ZNF496: variants seen among roughly 807,000 people sequenced by gnomAD.
ZNF496 encodes NSD1 (nuclear receptor binding SET-domain containing 1)-interacting zinc finger protein 1.
A neutral mutation model predicts 58.9 loss-of-function variants in ZNF496; 11 were observed. That is an observed-to-expected ratio of 0.19 (90% confidence interval 0.12 to 0.31). ZNF496 has a LOEUF of 0.31. ZNF496 is among the 10% of genes least tolerant of loss of function. The pLI is 1.00. For synonymous variants in ZNF496, 338 were observed against 318.2 expected, an observed-to-expected ratio of 1.06 and a Z score of -0.66; for missense variants, 660 against 783.0, an observed-to-expected ratio of 0.84 and a Z score of 1.88.
At chr1:247,331,377 C>A (rs946666555) in intron 2 of ZNF496, 55 bp downstream of exon 2, 2 of 152,184 alleles carry the variant, frequency 1.3e-5, no homozygotes, top group African/African-American at 2.4e-5. Context: ...GCCCTCCGCG[C>A]CCTCGGTCTC....
At chr1:247,304,969 T>G (rs2103017261) in intron 9 of ZNF496, among the ~76,000 whole-genome samples, 1 of 152,260 alleles carries the variant, frequency 6.6e-6, no homozygotes, top group South Asian at 2.1e-4. Context: ...GTGAATGGAT[T>G]GTGCATGTGG....
chr1:247,325,584 G>A (rs1660093943), intron 5 of ZNF496, among the ~76,000 whole-genome samples: 1 of 152,108 alleles, frequency 6.6e-6, no homozygotes, highest in Non-Finnish European at 1.5e-5. Context: ...ACCTCACCAT[G>A]CTGTACCATA....
At position 247,300,804 on chromosome 1, in the gene ZNF496, C is replaced by T. The variant is rs760640766; in HGVS notation, c.1479G>A (p.Pro493=). The change falls in exon 10 of 10, where the codon CCG becomes CCA. Residue 493 remains proline, a synonymous_variant. Coordinates refer to ENST00000682384, the MANE Select transcript of ZNF496 (RefSeq NM_032752.3). The surrounding 1 kb of genome is among the most constrained non-coding windows in gnomAD (Gnocchi z 5.7). Reference sequence around the variant, plus strand: ...ATGCCGCCTGCTCTCTCTTCTCCACCGGCTGGAGTCTGTCCGGCTGCAGGT... The same window carrying T: ...ATGCCGCCTGCTCTCTCTTCTCCACTGGCTGGAGTCTGTCCGGCTGCAGGT... ...RIHLQPDRLQ[P]VEKREQAASE... The T allele has an allele frequency of 5.6e-6, 9 of 1,601,866 alleles. No homozygotes were observed. In the African/African-American group the frequency reaches 6.7e-5, roughly 12 times the overall value.
At chr1:247,307,144 G>T in intron 9 of ZNF496, 1 of 985,470 alleles carries the variant, frequency 1.0e-6, no homozygotes, top group Non-Finnish European at 1.2e-6. Context: ...GAACATCTGG[G>T]AGTGTCCTGC....
At chr1:247,306,198 C>T (rs1040124566) in intron 9 of ZNF496, among the ~76,000 whole-genome samples, 28 of 142,090 alleles carry the variant, frequency 2.0e-4, no homozygotes, top group African/African-American at 6.5e-4. Flanking sequence ...GAGTTCAAAT[C>T]TTTTTTTTTT....
chr1:247,300,538 T>C lies in ZNF496; in HGVS notation c.1745A>G (p.Gln582Arg). 1.9e-6 allele frequency: 3 copies of C among 1,608,866 alleles called. No individual in the cohort carries two copies. Among genetic ancestry groups the C allele is most frequent in the Non-Finnish European group, 2.6e-6 (3 of 1,176,150 alleles). The change falls in exon 10 of 10, where the codon CAG becomes CGG. Residue 582 changes from glutamine (Q) to arginine (R), a missense_variant. Coordinates refer to ENST00000682384, the MANE Select transcript of ZNF496 (RefSeq NM_032752.3). The surrounding 1 kb of genome is among the most constrained non-coding windows in gnomAD (Gnocchi z 5.7). ...AGAGGCTCAGTAGGAGTTCAGAGCC[T>C]GCTTGGAACGGCGCTTCATGTGCAG... is the stretch of plus-strand genomic sequence containing the variant. ...ERLHMKRRSK[Q>R]ALNSY
At chr1:247,310,644 G>C (rs1335426974) in intron 6 of ZNF496, 188 bp from the exon 7 acceptor site, 1 of 653,936 alleles carries the variant, frequency 1.5e-6, no homozygotes, top group African/African-American at 1.8e-5. Flanking sequence ...TGCCTGGTGA[G>C]GGCCCACTTC....
At position 247,329,804 on chromosome 1, in the gene ZNF496, C is replaced by G. The variant is rs879477538; in HGVS notation, c.-38+162G>C. On this transcript the variant is annotated intron_variant, in intron 3 of 9. Transcript: ENST00000682384. The surrounding 1 kb of genome is among the most constrained non-coding windows in gnomAD (Gnocchi z 5.5). The stretch of plus-strand genomic sequence containing the variant: ...AAACAGACAGAAAGATGCCCTCCCC[C>G]CATCAGTACCATTACGTGTGGATTC... 1.3e-5 allele frequency among the ~76,000 whole-genome samples: 2 copies of G among 152,126 alleles called. No individual in the cohort carries two copies. Among genetic ancestry groups the G allele is most frequent in the African/African-American group, 2.4e-5 (1 of 41,430 alleles).
At chr1:247,321,965 C>T (rs1445644503) in intron 6 of ZNF496, among the ~76,000 whole-genome samples, 1 of 152,154 alleles carries the variant, frequency 6.6e-6, no homozygotes, top group African/African-American at 2.4e-5. Flanking sequence ...CCTTCCCATC[C>T]CTAGCCCTCC....
chr1:247,305,346 G>A (rs1471051594), intron 9 of ZNF496, among the ~76,000 whole-genome samples: 2 of 152,240 alleles, frequency 1.3e-5, no homozygotes, highest in Non-Finnish European at 1.5e-5. Flanking sequence ...AGCAATAACT[G>A]TACAAGGCAG....
At chr1:247,302,486 ATG>A (rs1287882175) in intron 9 of ZNF496, among the ~76,000 whole-genome samples, 3 of 139,560 alleles carry the variant, frequency 2.1e-5, no homozygotes, top group South Asian at 4.6e-4. Context: ...GTGTGTGTGC[ATG>A]TGTTTTTAAT....
chr1:247,301,377 T>C (rs1659231744), intron 9 of ZNF496, 101 bp from the exon 10 acceptor site: 1 of 1,425,822 alleles, frequency 7.0e-7, no homozygotes. Context: ...TACAAACCCG[T>C]GTTTTTACAA....
At chr1:247,322,211 A>G (rs1659983528) in intron 6 of ZNF496, among the ~76,000 whole-genome samples, 1 of 152,136 alleles carries the variant, frequency 6.6e-6, no homozygotes, top group African/African-American at 2.4e-5. Context: ...TGAGCTCAGG[A>G]GTTTGAGGCT....
Position 247,328,672 on chromosome 1 carries a change from G to A in ZNF496, c.574+11C>T. 2 of 1,569,590 alleles carry A rather than the reference G, an allele frequency of 1.3e-6. No individual in the cohort carries two copies. The highest frequency in any genetic ancestry group is 2.7e-5 in the African/African-American group (2 of 73,932). On this transcript the variant is annotated intron_variant, in intron 5 of 9. Coordinates refer to ENST00000682384, the MANE Select transcript of ZNF496 (RefSeq NM_032752.3). ...CAGATCACCCCTGCTACACTCCCCT[G>A]GGCTGCATACCTGGGTCCCCGCTGA...
intron 9 of ZNF496, chr1:247,307,527 A>G: frequency 7.1e-6 from 7 of 985,414 alleles, no homozygotes; most frequent in Non-Finnish European, 8.4e-6. Context: ...CCCCAAATGA[A>G]TGCATCACTC....
chr1:247,303,385 AAC>A (rs1659307303), intron 9 of ZNF496, among the ~76,000 whole-genome samples: 1 of 152,250 alleles, frequency 6.6e-6, no homozygotes. Flanking sequence ...ACAGTAGACT[AAC>A]ATAGACTTTG....
At chr1:247,324,028 C>T (rs1315088895) in intron 5 of ZNF496, among the ~76,000 whole-genome samples, 2 of 146,824 alleles carry the variant, frequency 1.4e-5, no homozygotes, top group Non-Finnish European at 3.0e-5. Context: ...TGAGCCACAG[C>T]TGCACCACTG....
chr1:247,310,300 G>C (rs779513809), intron 7 of ZNF496, 24 bp downstream of exon 7: 9 of 1,613,940 alleles, frequency 5.6e-6, no homozygotes, highest in Non-Finnish European at 7.6e-6. Context: ...TGGTCTTGAG[G>C]TGTGGGGGGA....
At chr1:247,319,265 G>C (rs1338287272) in intron 6 of ZNF496, among the ~76,000 whole-genome samples, 1 of 152,230 alleles carries the variant, frequency 6.6e-6, no homozygotes, top group African/African-American at 2.4e-5. Context: ...TGGGATTATA[G>C]GCACAAGCCA....
Sources: gnomAD v4.1 joint callset for allele counts (sites outside exome capture counted in the v4.1 genomes callset) on GRCh38, gnomAD v4.1.1 for gene constraint, Gnocchi (gnomAD v3.1) non-coding constraint, MANE v1.5 for transcripts, NCBI Gene and HGNC (gene_info 2026-07-23, HGNC 2026-07-21) for gene names.